The following RASSF6 variants were observed in gnomAD, a reference collection of about 807,000 sequenced individuals.
RASSF6 encodes Ras association domain family member 6, also known as ras association domain-containing protein 6.
Under a neutral mutation model 44.0 loss-of-function variants are expected in RASSF6, and 52 were observed. The observed-to-expected ratio is 1.18, with a 90% confidence interval of 0.95 to 1.49. The LOEUF (loss-of-function observed/expected upper bound fraction) is 1.49, where lower values mean the gene tolerates loss of function less well. RASSF6 is among the 40% of genes most tolerant of loss of function. RASSF6 has a pLI of 0.00. For missense variants in RASSF6, 464 were observed against 393.3 expected (o/e 1.18, Z -1.52); for synonymous variants, 162 against 124.6 (o/e 1.30, Z -2.00).
intron 8 of RASSF6, among the ~76,000 whole-genome samples, chr4:73,579,962 G>A (rs1247082681): frequency 6.6e-6 from 1 of 151,446 alleles, no homozygotes; most frequent in African/African-American, 2.4e-5. Context: ...ATGCTGGTGT[G>A]CTGCACCCAC....
At chr4:73,618,718 C>G (rs1471719082) in intron 1 of RASSF6, among the ~76,000 whole-genome samples, 1 of 152,074 alleles carries the variant, frequency 6.6e-6, no homozygotes, top group Non-Finnish European at 1.5e-5. Context: ...TGTAAGCACA[C>G]TGAAGAATTT....
intron 1 of RASSF6, among the ~76,000 whole-genome samples, chr4:73,617,237 A>T (rs987460756): frequency 6.6e-6 from 1 of 152,252 alleles, no homozygotes; most frequent in Admixed American, 6.5e-5. Flanking sequence ...CACTGCCCTC[A>T]GTTCAAGTGG....
At chr4:73,614,465 G>A (rs1487499217) in intron 1 of RASSF6, among the ~76,000 whole-genome samples, 1 of 152,178 alleles carries the variant, frequency 6.6e-6, no homozygotes, top group African/African-American at 2.4e-5. Flanking sequence ...CCATGTCAGA[G>A]CATAGCAAAA....
rs1456643153 is a variant in RASSF6, at chr4:73,576,452, A to G, written c.896T>C (p.Leu299Ser). The G allele has an allele frequency of 1.3e-6, 2 of 1,585,348 alleles. No individual in the cohort carries two copies. Among genetic ancestry groups the G allele is most frequent in the East Asian group, 4.5e-5 (2 of 44,474 alleles). The change falls in exon 10 of 11, where the codon TTA (leucine) becomes TCA (serine). Residue 299 changes from leucine (L) to serine (S), a missense_variant. Transcript: ENST00000307439. ...FSLLESILQR[L>S]NEEEKREIQR... ...AATCTCTCTTTTCTCTTCTTCATTT[A>G]ATCTTTGAAGAATGGATTCCAAGAG...
At chr4:73,586,128 C>T (rs1423993178) in intron 5 of RASSF6, among the ~76,000 whole-genome samples, 1 of 151,172 alleles carries the variant, frequency 6.6e-6, no homozygotes, top group African/African-American at 2.4e-5. Flanking sequence ...AGATTTTGTT[C>T]CCATCTTTTA....
At chr4:73,609,519 C>T (rs1426624588) in intron 2 of RASSF6, among the ~76,000 whole-genome samples, 2 of 152,078 alleles carry the variant, frequency 1.3e-5, no homozygotes, top group African/African-American at 4.8e-5. Context: ...AATATCAGGA[C>T]CTCTTATTTT....
At chr4:73,586,408 T>C (rs1724096888) in intron 5 of RASSF6, among the ~76,000 whole-genome samples, 1 of 152,012 alleles carries the variant, frequency 6.6e-6, no homozygotes, top group African/African-American at 2.4e-5. Context: ...CTAGTATCTA[T>C]TGAGTAGGCA....
chr4:73,589,825 G>C (rs1296764456), intron 4 of RASSF6, among the ~76,000 whole-genome samples: 1 of 152,020 alleles, frequency 6.6e-6, no homozygotes, highest in African/African-American at 2.4e-5. Context: ...TTTAAATGAT[G>C]GGGAGGTTTT....
chr4:73,606,987 C>A (rs894732379), intron 2 of RASSF6, among the ~76,000 whole-genome samples: 1 of 152,182 alleles, frequency 6.6e-6, no homozygotes, highest in Non-Finnish European at 1.5e-5. Context: ...AAACGGGAGA[C>A]TTCCTGACAC....
chr4:73,576,865 C>T, intron 8 of RASSF6, 134 bp from the exon 9 acceptor site: 1 of 622,518 alleles, frequency 1.6e-6, no homozygotes, highest in Admixed American at 2.7e-5. Context: ...GGCAATTACT[C>T]AAAAAAGCAA....
chr4:73,606,033 C>T (rs1725599811), intron 2 of RASSF6, among the ~76,000 whole-genome samples: 1 of 152,224 alleles, frequency 6.6e-6, no homozygotes, highest in African/African-American at 2.4e-5. Flanking sequence ...AAAAGTTGAA[C>T]TACCTTTCAA....
intron 1 of RASSF6, among the ~76,000 whole-genome samples, chr4:73,618,044 C>A (rs1726468611): frequency 6.6e-6 from 1 of 152,076 alleles, no homozygotes; most frequent in East Asian, 1.9e-4. Flanking sequence ...GAAATTAAAA[C>A]AAGAATCAGG....
In RASSF6 at chr4:73,587,935, C is replaced by T. The variant is rs769606229; in HGVS notation, c.288-1G>A. 3.4e-5 allele frequency: 55 copies of T among 1,595,090 alleles called. 1 individual carries two copies. Among genetic ancestry groups the T allele is most frequent in the Middle Eastern group, 3.3e-4 (2 of 6,042 alleles). On this transcript the variant is annotated splice_acceptor_variant, in intron 4 of 10. Transcript: ENST00000307439. LOFTEE classifies it high-confidence loss of function. ...GTCAAATTCCCCCCAGCGTGTCATT[C>T]TGAGAAGTAATAAATCTTGTAAGTA...
chr4:73,600,946 T>A (rs1725244200), intron 2 of RASSF6, among the ~76,000 whole-genome samples: 1 of 152,198 alleles, frequency 6.6e-6, no homozygotes, highest in Non-Finnish European at 1.5e-5. Flanking sequence ...CAGAACACTA[T>A]TAAGAAATTT....
intron 2 of RASSF6, chr4:73,604,145 G>T (rs186441984): frequency 6.6e-6 from 1 of 152,248 alleles, no homozygotes; most frequent in Non-Finnish European, 1.5e-5. Flanking sequence ...TTGGAGACTT[G>T]CTGAAAAATG....
chr4:73,620,003 A>T (rs1407436121), intron 1 of RASSF6, among the ~76,000 whole-genome samples: 1 of 152,050 alleles, frequency 6.6e-6, no homozygotes, highest in African/African-American at 2.4e-5. Flanking sequence ...GGGCTCATTG[A>T]ACTAAAGGGA....
Position 73,590,152 on chromosome 4 carries a change from T to C in RASSF6, c.288-2218A>G, listed in dbSNP as rs142649475. Among the ~76,000 whole-genome samples, 377 of 152,344 alleles carry C rather than the reference T, an allele frequency of 2.5e-3. 3 individuals are homozygous for C. Among genetic ancestry groups the C allele is most frequent in the African/African-American group, 7.0e-3 (290 of 41,580 alleles). ...AGAGATCAAAGTACTGCCCATAGAATTGTTTCCATAAAGAATAACAAGTGG... is the reference window on the plus strand; with the variant it reads ...AGAGATCAAAGTACTGCCCATAGAACTGTTTCCATAAAGAATAACAAGTGG... On this transcript the variant is annotated intron_variant, in intron 4 of 10. Transcript: ENST00000307439.
At chr4:73,587,333 C>A (rs188277878) in intron 5 of RASSF6, among the ~76,000 whole-genome samples, 1 of 152,086 alleles carries the variant, frequency 6.6e-6, no homozygotes, top group African/African-American at 2.4e-5. Context: ...TTAAAAAGAT[C>A]TCTGAAATAA....
intron 1 of RASSF6, among the ~76,000 whole-genome samples, chr4:73,614,392 G>A (rs1261621956): frequency 6.6e-6 from 1 of 152,220 alleles, no homozygotes; most frequent in Non-Finnish European, 1.5e-5. Context: ...TGATGGTGGA[G>A]ACTTCATGAA....
Sources: gnomAD v4.1 joint callset for allele counts (sites outside exome capture counted in the v4.1 genomes callset) on GRCh38, gnomAD v4.1.1 for gene constraint, MANE v1.5 for transcripts, NCBI Gene and HGNC (gene_info 2026-07-23, HGNC 2026-07-21) for gene names.